GGH: variants seen among roughly 807,000 people sequenced by gnomAD.
The protein encoded by GGH is gamma-glutamyl hydrolase.
A neutral mutation model predicts 39.2 loss-of-function variants in GGH; 18 were observed. The observed-to-expected ratio is 0.46, with a 90% confidence interval of 0.32 to 0.68. The LOEUF (loss-of-function observed/expected upper bound fraction) is 0.68, where lower values mean the gene tolerates loss of function less well. GGH is among the 30% of genes least tolerant of loss of function. The probability of loss-of-function intolerance (pLI) is 0.04; values close to 1 mark genes in which losing one functional copy is unlikely to be tolerated. For missense variants in GGH, 367 were observed against 384.1 expected, an observed-to-expected ratio of 0.96 and a Z score of 0.37; for synonymous variants, 147 against 138.8, an observed-to-expected ratio of 1.06 and a Z score of -0.42.
At chr8:63,032,776 C>T (rs1804829660) in intron 2 of GGH, among the ~76,000 whole-genome samples, 1 of 152,180 alleles carries the variant, frequency 6.6e-6, no homozygotes, top group Admixed American at 6.5e-5. Flanking sequence ...ACTCTGAGAA[C>T]CCAATTTGGA....
chr8:63,026,351 A>G (rs1294679786), intron 4 of GGH, 55 bp from the exon 5 acceptor site: 1 of 1,413,908 alleles, frequency 7.1e-7, no homozygotes, highest in African/African-American at 1.4e-5. Context: ...CAAAATAAAA[A>G]TTAGCCATAT....
Position 63,027,167 on chromosome 8 carries a change from T to C in GGH, c.360+14A>G, listed in dbSNP as rs1406134951. ...GAAACCCATCTGGAATAATAAGCAA[T>C]AACTGATATTTACCTGTATGGACAA... On this transcript the variant is annotated intron_variant, in intron 4 of 8. Coordinates refer to ENST00000260118, the MANE Select transcript of GGH (RefSeq NM_003878.3). 8.5e-7 allele frequency: 1 copy of C among 1,179,724 alleles called. No individual in the cohort carries two copies. Among genetic ancestry groups the C allele is most frequent in the African/African-American group, 1.5e-5 (1 of 66,560 alleles). The allele number at this position is 1,179,724 out of a possible 1,614,324, so 73.1% of individuals were successfully genotyped here. A position where few individuals can be genotyped will look rare whatever the true frequency, so the allele number is the denominator to read the frequency against.
chr8:63,038,696 T>C lies in GGH; in HGVS notation c.73A>G (p.Arg25Gly). ...TTCTTGGCGGTGTCGCCGTGGGGTC[T>C]AGACAGCTCGAGGCTCGCCGCCCCG... ...LCGAASLELS[R>G]PHGDTAKKPI... Residue 25 changes from arginine to glycine, a missense_variant, in exon 1 of 9, where the codon AGA becomes GGA. Arg to Gly is a moderately radical substitution (Grantham distance 125). Transcript: ENST00000260118. The C allele has an allele frequency of 2.5e-6, 4 of 1,580,720 alleles. No individual in the cohort carries two copies. The highest frequency in any genetic ancestry group is 3.4e-6 in the Non-Finnish European group (4 of 1,162,976).
intron 3 of GGH, among the ~76,000 whole-genome samples, chr8:63,029,307 C>T (rs1804758780): frequency 6.6e-6 from 1 of 152,146 alleles, no homozygotes; most frequent in South Asian, 2.1e-4. Context: ...GCCTTTTTCA[C>T]ATAACACTAT....
chr8:63,035,741 CTTT>C lies in GGH; in HGVS notation c.136_138del (p.Lys46del), dbSNP rs774365680. ...TAGTATCTTCCATAGTTTTTCATGACTTTATTACGGCATTTTTGCATTAATATT... is the reference window on the plus strand; with the variant it reads ...TAGTATCTTCCATAGTTTTTCATGACATTACGGCATTTTTGCATTAATATT... On this transcript the variant is annotated inframe_deletion, in exon 2 of 9. Coordinates refer to ENST00000260118, the MANE Select transcript of GGH (RefSeq NM_003878.3). The C allele has an allele frequency of 6.2e-7, 1 of 1,612,880 alleles. No individual in the cohort carries two copies. Among genetic ancestry groups the C allele is most frequent in the Middle Eastern group, 1.7e-4 (1 of 6,052 alleles).
At chr8:63,019,790 A>T (rs975366109) in intron 7 of GGH, among the ~76,000 whole-genome samples, 26 of 152,174 alleles carry the variant, frequency 1.7e-4, no homozygotes, top group Non-Finnish European at 3.4e-4. Flanking sequence ...TCCGAGGGCT[A>T]TTTAGTGAGC....
intron 2 of GGH, 114 bp downstream of exon 2, chr8:63,035,542 T>TC: frequency 7.0e-7 from 1 of 1,427,320 alleles, no homozygotes; most frequent in Non-Finnish European, 9.2e-7. Flanking sequence ...CTGACCTCAG[T>TC]AGTCCACCCG....
At chr8:63,029,457 G>A (rs13268472) in intron 3 of GGH, among the ~76,000 whole-genome samples, 14,044 of 152,172 alleles carry the variant, frequency 0.092, 791 homozygotes, top group East Asian at 0.21. Context: ...CGGGGTGACT[G>A]TCAGACAATA....
intron 1 of GGH, among the ~76,000 whole-genome samples, chr8:63,037,249 T>A (rs1563672184): frequency 6.6e-6 from 1 of 152,132 alleles, no homozygotes; most frequent in Admixed American, 6.5e-5. Flanking sequence ...CACTAAGGAA[T>A]AACAAAGTTT....
chr8:63,025,547 A>G (rs934449381), intron 5 of GGH, among the ~76,000 whole-genome samples: 1 of 152,148 alleles, frequency 6.6e-6, no homozygotes, highest in African/African-American at 2.4e-5. Flanking sequence ...AGCCTGGCCA[A>G]TATGGTGAAA....
chr8:63,024,464 G>T, intron 5 of GGH: 1 of 274,726 alleles, frequency 3.6e-6, no homozygotes, highest in Non-Finnish European at 6.8e-6. Flanking sequence ...CTAAAGAACA[G>T]GCAGGGAATC....
chr8:63,032,457 T>C (rs538712898), intron 2 of GGH, among the ~76,000 whole-genome samples: 8 of 152,280 alleles, frequency 5.3e-5, no homozygotes, highest in East Asian at 1.9e-4. Context: ...TAGTCCCACA[T>C]TGGGCATTTA....
intron 5 of GGH, 68 bp from the exon 6 acceptor site, chr8:63,024,254 C>A: frequency 1.1e-6 from 1 of 878,434 alleles, no homozygotes; most frequent in Non-Finnish European, 1.8e-6. Context: ...AAGTCACTTA[C>A]TGCACCCAAA....
chr8:63,017,450 C>T, intron 8 of GGH, 43 bp downstream of exon 8: 2 of 1,468,550 alleles, frequency 1.4e-6, no homozygotes, highest in Non-Finnish European at 9.3e-7. Flanking sequence ...CAATTTTCTT[C>T]AAAACTACCC....
chr8:63,035,627 A>G (rs200110426), intron 2 of GGH, 29 bp downstream of exon 2: 19 of 81,106 alleles, frequency 2.3e-4, no homozygotes, highest in Non-Finnish European at 4.4e-4. Flanking sequence ...TATACAGAGT[A>G]AAAAAAAAAA....
chr8:63,038,791 C>T lies in GGH; in HGVS notation c.-23G>A. ...CATGGCGCTCGCCGCCTCCCGCCGC[C>T]TTTCAAAAGCTCTGCGGGCGGGCGG... is the stretch of plus-strand genomic sequence containing the variant. On this transcript the variant is annotated 5_prime_UTR_variant, in exon 1 of 9. Transcript: ENST00000260118. 7.0e-7 allele frequency: 1 copy of T among 1,425,188 alleles called. No individual in the cohort carries two copies. Among genetic ancestry groups the T allele is most frequent in the Non-Finnish European group, 9.4e-7 (1 of 1,062,388 alleles). The allele number at this position is 1,425,188 out of a possible 1,614,324, so 88.3% of individuals were successfully genotyped here.
At position 63,017,614 on chromosome 8, in the gene GGH, T is replaced by A; in HGVS notation, c.714A>T (p.Val238=). 1 of 1,593,710 alleles carries A rather than the reference T, an allele frequency of 6.3e-7. No homozygotes were observed. Among genetic ancestry groups the A allele is most frequent in the Non-Finnish European group, 8.6e-7 (1 of 1,163,148 alleles). Residue 238 remains valine, a synonymous_variant, in exon 8 of 9, where the codon GTA becomes GTT. Transcript: ENST00000260118. ...TCTCTGGATGCCACTGGACACCATA[T>A]ACTGGATACTTATATCCTGTAAGAA... The part of the protein sequence containing the change: ...ISTMEGYKYP[V]YGVQWHPEKA...
At chr8:63,031,792 G>A (rs1449514572) in intron 2 of GGH, among the ~76,000 whole-genome samples, 1 of 152,164 alleles carries the variant, frequency 6.6e-6, no homozygotes, top group Non-Finnish European at 1.5e-5. Context: ...GTTGCATGTT[G>A]TCAGACATTT....
Position 63,024,305 on chromosome 8 carries a change from T to C in GGH, c.500-119A>G, listed in dbSNP as rs73684329. The C allele has an allele frequency of 8.0e-3, 4,866 of 610,652 alleles. 135 individuals carry two copies. The highest frequency in any genetic ancestry group is 0.066 in the African/African-American group (3,578 of 54,000). The allele number at this position is 610,652 out of a possible 1,614,324, so 37.8% of individuals were successfully genotyped here. A position where few individuals can be genotyped will look rare whatever the true frequency, so the allele number is the denominator to read the frequency against. On this transcript the variant is annotated intron_variant, in intron 5 of 8. Transcript: ENST00000260118. ...AGACATAATCAAGATGACCAAATGATATGCAAAACACATCATTTCCATAGA... is the reference window on the plus strand; with the variant it reads ...AGACATAATCAAGATGACCAAATGACATGCAAAACACATCATTTCCATAGA...
Sources: allele counts gnomAD v4.1 joint callset (sites outside exome capture counted in the v4.1 genomes callset), GRCh38; gene constraint gnomAD v4.1.1; transcripts MANE v1.5; gene names NCBI Gene and HGNC (gene_info 2026-07-23, HGNC 2026-07-21).